Variants in POLR2B observed in about 807,000 individuals in gnomAD.
POLR2B encodes RNA polymerase II subunit B.
In POLR2B, 57 loss-of-function variants were observed where a neutral mutation model predicts 144.6. That is an observed-to-expected ratio of 0.39 (90% CI 0.32 to 0.49). The LOEUF (loss-of-function observed/expected upper bound fraction) is 0.49, where lower values mean the gene tolerates loss of function less well. POLR2B is among the 20% of genes least tolerant of loss of function. The probability of loss-of-function intolerance (pLI) is 0.83; values close to 1 mark genes in which losing one functional copy is unlikely to be tolerated. For synonymous variants in POLR2B, 442 were observed against 469.8 expected (o/e 0.94, Z 0.77); for missense variants, 595 against 1,467.4 (o/e 0.41, Z 9.71).
Position 56,990,736 on chromosome 4 carries a change from A to G in POLR2B, c.93-12A>G. On this transcript the variant is annotated splice_polypyrimidine_tract_variant and intron_variant, in intron 2 of 24. Transcript: ENST00000314595. ...CTGAGTTGCAACTGACTGAACTCAA[A>G]TATTTTCCCAGTTCCTATTTTGACG... 1.9e-6 allele frequency: 3 copies of G among 1,596,288 alleles called. No individual in the cohort carries two copies. Among genetic ancestry groups the G allele is most frequent in the Non-Finnish European group, 2.6e-6 (3 of 1,172,692 alleles).
chr4:56,994,974 C>G (rs1163432421), intron 5 of POLR2B, 108 bp downstream of exon 5: 5 of 744,760 alleles, frequency 6.7e-6, no homozygotes, highest in Non-Finnish European at 1.1e-5. Flanking sequence ...GCAGGATAAC[C>G]TGGCACTGAC....
At position 57,023,487 on chromosome 4, in the gene POLR2B, CTG is replaced by C; in HGVS notation, c.2675_2676del (p.Cys892Ter). On this transcript the variant is annotated frameshift_variant, in exon 19 of 25. Coordinates refer to ENST00000314595, the MANE Select transcript of POLR2B (RefSeq NM_000938.3). LOFTEE classifies it high-confidence loss of function. This position sits in a 1 kb window ranked among gnomAD's most constrained non-coding sequence, Gnocchi z 4.3. ...STNRRYTKRD[C>X]STFLRTSETG... ...CCAATAGACGCTATACCAAGAGAGA[CTG>C]TAGCACTTTTCTCAGAACTAGCGAG... 1.2e-6 allele frequency: 2 copies of C among 1,613,898 alleles called. No homozygotes were observed. Among genetic ancestry groups the C allele is most frequent in the South Asian group, 1.1e-5 (1 of 91,080 alleles).
intron 2 of POLR2B, among the ~76,000 whole-genome samples, chr4:56,989,170 T>G (rs542129154): frequency 1.2e-4 from 18 of 152,326 alleles, no homozygotes; most frequent in African/African-American, 4.3e-4. Flanking sequence ...TTTAGGTGTT[T>G]AAGCACCATT....
intron 3 of POLR2B, 43 bp from the exon 4 acceptor site, chr4:56,994,360 GA>G (rs1560473717): frequency 9.8e-7 from 1 of 1,024,542 alleles, no homozygotes; most frequent in Non-Finnish European, 1.5e-6. Context: ...AACTTTTATG[GA>G]AAAAATTATT....
intron 23 of POLR2B, among the ~76,000 whole-genome samples, chr4:57,026,837 G>C (rs896883999): frequency 2.0e-5 from 3 of 152,146 alleles, no homozygotes; most frequent in Admixed American, 2.0e-4. Flanking sequence ...TTAGTGACAA[G>C]AATAACATTG....
Position 57,005,445 on chromosome 4 carries a change from A to G in POLR2B, c.1097+3A>G, listed in dbSNP as rs1271382862. The G allele has an allele frequency of 2.6e-6, 4 of 1,562,504 alleles. No homozygotes were observed. Among genetic ancestry groups the G allele is most frequent in the African/African-American group, 1.4e-5 (1 of 72,444 alleles). ...ACCAAAAAAGCCTATTTCTTGGGGTATGTTAAGTTTCATTGTTTTAAGTTC... is the reference window on the plus strand; with the variant it reads ...ACCAAAAAAGCCTATTTCTTGGGGTGTGTTAAGTTTCATTGTTTTAAGTTC... On this transcript the variant is annotated splice_donor_region_variant and intron_variant, in intron 8 of 24. Coordinates refer to ENST00000314595, the MANE Select transcript of POLR2B (RefSeq NM_000938.3).
chr4:57,020,956 T>TTA lies in POLR2B; in HGVS notation c.2383_2384dup (p.Met796SerfsTer2). ...ACTGGATATAATCAGGAAGACTCTG[T>TTA]TATCATGAATCGTTCAGCTGTAGAC... On this transcript the variant is annotated frameshift_variant, in exon 17 of 25. Coordinates refer to ENST00000314595, the MANE Select transcript of POLR2B (RefSeq NM_000938.3). LOFTEE classifies it high-confidence loss of function. 1 of 1,607,738 alleles carries TTA rather than the reference T, an allele frequency of 6.2e-7. No individual in the cohort carries two copies. Among genetic ancestry groups the TTA allele is most frequent in the Non-Finnish European group, 8.5e-7 (1 of 1,174,110 alleles).
chr4:57,017,562 C>G lies in POLR2B; in HGVS notation c.2157C>G (p.Ser719=). ...SIIPFPDHNQ[S]PRNTYQSAMG... is the part of the protein sequence containing the mutation. Reference sequence around the variant, plus strand: ...CTGCTTTTCATTTTTACGTTTAGTCCCCTAGAAACACATACCAGTCTGCTA... The same window carrying G: ...CTGCTTTTCATTTTTACGTTTAGTCGCCTAGAAACACATACCAGTCTGCTA... Residue 719 remains serine, a splice_region_variant and synonymous_variant, in exon 16 of 25, where the codon TCC becomes TCG. Coordinates refer to ENST00000314595, the MANE Select transcript of POLR2B (RefSeq NM_000938.3). The surrounding 1 kb of genome is among the most constrained non-coding windows in gnomAD (Gnocchi z 4.8). The G allele has an allele frequency of 6.3e-7, 1 of 1,589,218 alleles. No homozygotes were observed. Among genetic ancestry groups the G allele is most frequent in the Non-Finnish European group, 8.5e-7 (1 of 1,171,730 alleles).
chr4:56,994,683 A>C lies in POLR2B; in HGVS notation c.393A>C (p.Thr131=), dbSNP rs1224349880. The C allele has an allele frequency of 6.2e-7, 1 of 1,613,202 alleles. No homozygotes were observed. Among genetic ancestry groups the C allele is most frequent in the East Asian group, 2.2e-5 (1 of 44,860 alleles). Residue 131 remains threonine (T), a synonymous_variant, in exon 5 of 25, where the codon ACA becomes ACC. Transcript: ENST00000314595. ...CGCTTTATGTTGATATAACAAAAAC[A>C]GTCATTAAAGAAGGTGAAGAACAAC... is the stretch of plus-strand genomic sequence containing the variant. ...SAPLYVDITK[T]VIKEGEEQLQ... is the part of the protein sequence containing the mutation.
In POLR2B at chr4:57,030,403, T is replaced by A. The variant is rs780735524; in HGVS notation, c.3435+4T>A. The stretch of plus-strand genomic sequence containing the variant: ...GGGCTGCCGCAATAAAACCCAGGTG[T>A]GTATAGACTTTACTGGCAGTTGATA... On this transcript the variant is annotated splice_donor_region_variant and intron_variant, in intron 24 of 24. Transcript: ENST00000314595. The A allele has an allele frequency of 7.5e-6, 12 of 1,591,742 alleles. No individual in the cohort carries two copies. The African/African-American group carries it at 1.1e-4, about 14-fold the overall frequency.
chr4:57,003,069 A>G (rs959360737), intron 7 of POLR2B, among the ~76,000 whole-genome samples: 6 of 152,234 alleles, frequency 3.9e-5, no homozygotes, highest in East Asian at 1.9e-4. Flanking sequence ...GAAATCCATT[A>G]CATGCCTTCT....
At chr4:57,014,007 G>C (rs1174717317) in intron 13 of POLR2B, among the ~76,000 whole-genome samples, 2 of 151,060 alleles carry the variant, frequency 1.3e-5, no homozygotes, top group African/African-American at 2.4e-5. Flanking sequence ...AGGAATGTTA[G>C]TTTTCTAAGA....
intron 6 of POLR2B, among the ~76,000 whole-genome samples, chr4:56,997,717 T>A (rs1265443814): frequency 6.6e-6 from 1 of 152,216 alleles, no homozygotes; most frequent in East Asian, 1.9e-4. Context: ...TGAAGTATGT[T>A]GAATAGTGAG....
chr4:57,017,821 T>C lies in POLR2B; in HGVS notation c.2323+93T>C, dbSNP rs1723418631. 1.3e-6 allele frequency: 1 copy of C among 763,274 alleles called. No individual in the cohort carries two copies. The highest frequency in any genetic ancestry group is 3.1e-5 in the Admixed American group (1 of 32,750). 47.3% of individuals were successfully genotyped at this position (763,274 alleles called of 1,614,324 possible). A position where few individuals can be genotyped will look rare whatever the true frequency, so the allele number is the denominator to read the frequency against. ...GGAGGATTAAAAAATAAATATGACA[T>C]AGTGCCTGTTCTCACGGAATTTATA... On this transcript the variant is annotated intron_variant, in intron 16 of 24. Coordinates refer to ENST00000314595, the MANE Select transcript of POLR2B (RefSeq NM_000938.3). The surrounding 1 kb of genome is among the most constrained non-coding windows in gnomAD (Gnocchi z 4.8).
In POLR2B at chr4:57,007,012, C is replaced by G. The variant is rs1388598613; in HGVS notation, c.1404+10C>G. Reference sequence around the variant, plus strand: ...AGCTGGAGTATCTCAGGTAAGTGTGCCAACTATGACTACAGGCTCAATAGG... The same window carrying G: ...AGCTGGAGTATCTCAGGTAAGTGTGGCAACTATGACTACAGGCTCAATAGG... On this transcript the variant is annotated intron_variant, in intron 10 of 24. Coordinates refer to ENST00000314595, the MANE Select transcript of POLR2B (RefSeq NM_000938.3). 2 of 1,583,852 alleles carry G rather than the reference C, an allele frequency of 1.3e-6. No homozygotes were observed. Among genetic ancestry groups the G allele is most frequent in the African/African-American group, 2.7e-5 (2 of 74,238 alleles).
At chr4:56,989,118 A>C (rs1416709748) in intron 2 of POLR2B, among the ~76,000 whole-genome samples, 2 of 152,212 alleles carry the variant, frequency 1.3e-5, no homozygotes, top group Non-Finnish European at 2.9e-5. Context: ...CTTCAGGTAA[A>C]ATAAACAGAG....
chr4:57,013,796 T>C (rs1315162072), intron 13 of POLR2B, among the ~76,000 whole-genome samples: 1 of 152,102 alleles, frequency 6.6e-6, no homozygotes, highest in Non-Finnish European at 1.5e-5. Flanking sequence ...AAACTGTGTT[T>C]ACAAAAACAG....
At chr4:56,997,409 A>G (rs759758234) in intron 6 of POLR2B, among the ~76,000 whole-genome samples, 15 of 152,014 alleles carry the variant, frequency 9.9e-5, no homozygotes, top group Non-Finnish European at 1.8e-4. Context: ...GGCATGCTCC[A>G]CCACACCTGG....
At chr4:57,003,204 G>A (rs1722907307) in intron 7 of POLR2B, among the ~76,000 whole-genome samples, 1 of 143,502 alleles carries the variant, frequency 7.0e-6, no homozygotes, top group South Asian at 2.3e-4. Flanking sequence ...GGCTGAGGCG[G>A]GCAGATCACG....
Sources: allele counts gnomAD v4.1 joint callset (sites outside exome capture counted in the v4.1 genomes callset), GRCh38; gene constraint gnomAD v4.1.1; non-coding constraint Gnocchi (gnomAD v3.1); transcripts MANE v1.5; gene names NCBI Gene and HGNC (gene_info 2026-07-23, HGNC 2026-07-21).